The following RAP1A variants were observed in gnomAD, a reference collection of about 807,000 sequenced individuals.
The protein encoded by RAP1A is RAP1A, member of RAS oncogene family, also known as ras-related protein Rap-1A.
RAP1A carries 6 observed loss-of-function variants against 26.4 expected under a neutral mutation model. The observed-to-expected ratio is 0.23, with a 90% CI of 0.12 to 0.45. The LOEUF (loss-of-function observed/expected upper bound fraction) is 0.45. Among genes scored for constraint, RAP1A ranks in the 20% least tolerant of loss-of-function variants. RAP1A has a pLI of 0.99. For synonymous variants in RAP1A, 73 were observed against 79.4 expected, an observed-to-expected ratio of 0.92 and a Z score of 0.43; for missense variants, 121 against 217.2, an observed-to-expected ratio of 0.56 and a Z score of 2.78.
intron 1 of RAP1A, among the ~76,000 whole-genome samples, chr1:111,571,938 C>T (rs886232025): frequency 1.3e-5 from 2 of 152,222 alleles, no homozygotes; most frequent in Non-Finnish European, 2.9e-5. Flanking sequence ...CTGATTACTC[C>T]TTATTCCCTG....
In RAP1A at chr1:111,704,384, TGAGC is replaced by T; in HGVS notation, c.370_373del (p.Arg124Ter). The T allele has an allele frequency of 6.2e-7, 1 of 1,614,006 alleles. No homozygotes were observed. Among genetic ancestry groups the T allele is most frequent in the Non-Finnish European group, 8.5e-7 (1 of 1,179,928 alleles). On this transcript the variant is annotated frameshift_variant, in exon 6 of 8. Transcript: ENST00000369709. LOFTEE classifies it high-confidence loss of function. ...TTGGCAATAAATGTGACCTGGAAGA[TGAGC>T]GAGTAGTTGGCAAAGAGCAGGGCCA...
At chr1:111,585,832 A>G (rs1417871048) in intron 1 of RAP1A, among the ~76,000 whole-genome samples, 3 of 152,216 alleles carry the variant, frequency 2.0e-5, no homozygotes, top group African/African-American at 7.2e-5. Context: ...TTTATGTACT[A>G]CTAACAAAAA....
At chr1:111,686,767 A>G (rs185004678) in intron 1 of RAP1A, 1 of 151,842 alleles carries the variant, frequency 6.6e-6, no homozygotes, top group East Asian at 1.9e-4. Context: ...GGACTAAAGT[A>G]ACCTAAAATG....
chr1:111,654,417 G>A (rs1660386049), intron 1 of RAP1A, among the ~76,000 whole-genome samples: 1 of 152,030 alleles, frequency 6.6e-6, no homozygotes, highest in African/African-American at 2.4e-5. Context: ...GATGAAAGAG[G>A]CCATATAATA....
At chr1:111,664,781 T>C (rs183722256) in intron 1 of RAP1A, among the ~76,000 whole-genome samples, 176 of 152,364 alleles carry the variant, frequency 1.2e-3, no homozygotes, top group Middle Eastern at 0.01. Context: ...AATCGTGGCT[T>C]TTCTTCCTAG....
rs538414975 is a variant in RAP1A at position 111,714,386 on chromosome 1, C to T, written c.*1985C>T. The T allele has an allele frequency of 6.6e-6, 1 of 152,276 alleles. No individual in the cohort carries two copies. The highest frequency in any genetic ancestry group is 6.5e-5 in the Admixed American group (1 of 15,302). The allele number at this position is 152,276 out of a possible 1,614,324, so 9.4% of individuals were successfully genotyped here. A position where few individuals can be genotyped will look rare whatever the true frequency, so the allele number is the denominator to read the frequency against. ...AGATCATAGACAGACATCTCATCAA[C>T]CAGTAAAACTTTCTAAATACTACCT... On this transcript the variant is annotated 3_prime_UTR_variant, in exon 8 of 8. Coordinates refer to ENST00000369709, the MANE Select transcript of RAP1A (RefSeq NM_002884.4).
At chr1:111,623,403 A>G (rs1301223777) in intron 1 of RAP1A, among the ~76,000 whole-genome samples, 2 of 149,210 alleles carry the variant, frequency 1.3e-5, no homozygotes, top group Non-Finnish European at 3.0e-5. Context: ...TATAGCTGTG[A>G]CCGCCCCATG....
At chr1:111,641,318 T>G (rs981957090) in intron 1 of RAP1A, among the ~76,000 whole-genome samples, 1 of 152,200 alleles carries the variant, frequency 6.6e-6, no homozygotes, top group African/African-American at 2.4e-5. Context: ...CCCTTCACTC[T>G]TATTCTGTTC....
intron 1 of RAP1A, among the ~76,000 whole-genome samples, chr1:111,629,727 G>GA (rs1159824730): frequency 6.6e-6 from 1 of 152,172 alleles, no homozygotes; most frequent in Admixed American, 6.5e-5. Flanking sequence ...TTGTGTGCGT[G>GA]TGACTTTTTT....
At chr1:111,636,022 T>C (rs569648660) in intron 1 of RAP1A, among the ~76,000 whole-genome samples, 1 of 152,300 alleles carries the variant, frequency 6.6e-6, no homozygotes, top group South Asian at 2.1e-4. Context: ...TTTCATTGTT[T>C]ATGTATACAA....
At chr1:111,595,772 T>A (rs1352477628) in intron 1 of RAP1A, among the ~76,000 whole-genome samples, 2 of 152,218 alleles carry the variant, frequency 1.3e-5, no homozygotes, top group African/African-American at 4.8e-5. Flanking sequence ...CTCAAAGTTG[T>A]ATGAATATCA....
At chr1:111,588,365 A>G (rs1658418402) in intron 1 of RAP1A, among the ~76,000 whole-genome samples, 1 of 152,200 alleles carries the variant, frequency 6.6e-6, no homozygotes, top group Non-Finnish European at 1.5e-5. Flanking sequence ...CTGCTGCCAC[A>G]TACCACATTA....
chr1:111,661,932 T>C (rs960646974), intron 1 of RAP1A, among the ~76,000 whole-genome samples: 2 of 152,038 alleles, frequency 1.3e-5, no homozygotes, highest in African/African-American at 4.8e-5. Context: ...AATAGTTATG[T>C]ATCTTTTTTT....
chr1:111,614,885 A>G (rs1658986970), upstream of RAP1A, among the ~76,000 whole-genome samples: 1 of 152,224 alleles, frequency 6.6e-6, no homozygotes. Flanking sequence ...TGAGAATAAA[A>G]TGAATACACA....
Position 111,600,825 on chromosome 1 carries a change from T to G in RAP1A, c.-28+58316T>G, listed in dbSNP as rs141656831. On this transcript the variant is annotated intron_variant, in intron 1 of 7. Coordinates refer to the RAP1A transcript ENST00000356415. ...TAATTGTATCAGACTAGTTTTAAAA[T>G]CTATTGAGCTAAAATTATTTTTTTC... Among the ~76,000 whole-genome samples, 250 of 152,324 alleles carry G rather than the reference T, an allele frequency of 1.6e-3. 3 individuals are homozygous for G. The highest frequency in any genetic ancestry group is 5.9e-3 in the African/African-American group (245 of 41,564).
Position 111,556,879 on chromosome 1 carries a change from A to T in RAP1A, c.-28+14370A>T, listed in dbSNP as rs183058254. ...GTCACTGAACTGTACACTTAGAAATAGTTAAAATGGTACATTTTACATTAT... is the reference window on the plus strand; with the variant it reads ...GTCACTGAACTGTACACTTAGAAATTGTTAAAATGGTACATTTTACATTAT... On this transcript the variant is annotated intron_variant, in intron 1 of 7. Coordinates refer to the RAP1A transcript ENST00000356415. Among the ~76,000 whole-genome samples the T allele has an allele frequency of 8.6e-5, 13 of 150,638 alleles. No individual in the cohort carries two copies. In the East Asian group the frequency reaches 2.3e-3, roughly 27 times the overall value.
intron 1 of RAP1A, among the ~76,000 whole-genome samples, chr1:111,672,207 C>T (rs1208783379): frequency 6.6e-6 from 1 of 152,080 alleles, no homozygotes; most frequent in Non-Finnish European, 1.5e-5. Flanking sequence ...TCATGATTCC[C>T]ATTCTGTCAA....
At chr1:111,642,203 C>T (rs1328238118) in intron 1 of RAP1A, among the ~76,000 whole-genome samples, 1 of 152,054 alleles carries the variant, frequency 6.6e-6, no homozygotes, top group East Asian at 1.9e-4. Context: ...CGAGATCAAG[C>T]CATTGCACTC....
At chr1:111,654,818 TTATTA>T (rs1278264620) in intron 1 of RAP1A, among the ~76,000 whole-genome samples, 2 of 150,312 alleles carry the variant, frequency 1.3e-5, no homozygotes, top group African/African-American at 4.9e-5. Context: ...TTACCATATT[TTATTA>T]TATGTTTATT....
Sources: allele counts gnomAD v4.1 joint callset (sites outside exome capture counted in the v4.1 genomes callset), GRCh38; gene constraint gnomAD v4.1.1; transcripts MANE v1.5; gene names NCBI Gene and HGNC (gene_info 2026-07-23, HGNC 2026-07-21).